SLITRK2: variants seen among roughly 807,000 people sequenced by gnomAD.
SLITRK2 encodes the protein SLIT and NTRK-like protein 2.
A neutral mutation model predicts 35.4 loss-of-function variants in SLITRK2; 13 were observed. The ratio of observed to expected loss-of-function variants is 0.37; its 90% confidence interval spans 0.24 to 0.58. The LOEUF (loss-of-function observed/expected upper bound fraction) is 0.58, where lower values mean the gene tolerates loss of function less well. SLITRK2 is among the 20% of genes least tolerant of loss of function. The pLI is 0.75. For synonymous variants in SLITRK2, 294 were observed against 264.7 expected (o/e 1.11, Z -1.07); for missense variants, 471 against 634.3 (o/e 0.74, Z 2.76).
At position 145,823,172 on chromosome X, in the gene SLITRK2, G is replaced by T. The variant is rs1194915874; in HGVS notation, c.747G>T (p.Leu249Phe). 8.3e-7 allele frequency: 1 copy of T among 1,209,416 alleles called. No homozygotes were observed. The highest frequency in any genetic ancestry group is 1.1e-6 in the Non-Finnish European group (1 of 895,173). The change falls in exon 5 of 5, where the codon TTG (leucine) becomes TTT (phenylalanine). Residue 249 changes from leucine (L) to phenylalanine (F), a missense_variant. Leu to Phe is a conservative substitution (Grantham distance 22, BLOSUM62 0). Transcript: ENST00000335565. Reference protein sequence around the residue: ...GEIVCETPFRLHGKDVTQLTR... With the variant: ...GEIVCETPFRFHGKDVTQLTR... ...TTGTCTGTGAGACTCCCTTTAGGTT[G>T]CATGGGAAAGACGTGACCCAGCTGA...
Position 145,827,808 on chromosome X carries a change from C to T in SLITRK2, c.*2845C>T. Reference sequence around the variant, plus strand: ...TCCCCACTGACTATATTCTGTTTTGCTTTATCTGCTCAAGCACTTTCGACC... The same window carrying T: ...TCCCCACTGACTATATTCTGTTTTGTTTTATCTGCTCAAGCACTTTCGACC... On this transcript the variant is annotated 3_prime_UTR_variant, in exon 5 of 5. Transcript: ENST00000335565. 1 of 1,211,734 alleles carries T rather than the reference C, an allele frequency of 8.3e-7. No homozygotes were observed. Among genetic ancestry groups the T allele is most frequent in the Non-Finnish European group, 1.1e-6 (1 of 895,479 alleles).
In SLITRK2 at chrX:145,823,196, G is replaced by A. The variant is rs782413822; in HGVS notation, c.771G>A (p.Leu257=). The change falls in exon 5 of 5, where the codon CTG becomes CTA. Residue 257 remains leucine (L), a synonymous_variant. Coordinates refer to ENST00000335565, the MANE Select transcript of SLITRK2 (RefSeq NM_032539.5). Reference sequence around the variant, plus strand: ...TGCATGGGAAAGACGTGACCCAGCTGACCAGGCAAGACCTCTGTCCCAGAA... The same window carrying A: ...TGCATGGGAAAGACGTGACCCAGCTAACCAGGCAAGACCTCTGTCCCAGAA... ...FRLHGKDVTQ[L]TRQDLCPRKS... 4.9e-5 allele frequency: 59 copies of A among 1,209,361 alleles called. No individual in the cohort carries two copies. Among genetic ancestry groups the A allele is most frequent in the Non-Finnish European group, 6.5e-5 (58 of 895,058 alleles).
rs2124196196 is a variant in SLITRK2 at position 145,824,234 on chromosome X, T to C, written c.1809T>C (p.Ser603=). 1.7e-6 allele frequency: 2 copies of C among 1,211,585 alleles called. No homozygotes were observed. The change falls in exon 5 of 5, where the codon AGT becomes AGC. Residue 603 remains serine, a synonymous_variant. Coordinates refer to ENST00000335565, the MANE Select transcript of SLITRK2 (RefSeq NM_032539.5). ...NHNTDTPRSL[S]VSPSSYPELH... ...ATACAGACACACCTCGGTCGCTTAG[T>C]GTGTCTCCTAGTTCCTATCCTGAAC...
Position 145,821,512 on chromosome X carries a change from G to C in SLITRK2, c.-565G>C, listed in dbSNP as rs907775914. 3.6e-5 allele frequency: 4 copies of C among 109,801 alleles called. No homozygotes were observed. The highest frequency in any genetic ancestry group is 5.7e-5 in the Non-Finnish European group (3 of 52,477). 9.0% of individuals were successfully genotyped at this position (109,801 alleles called of 1,213,427 possible). ...CGTCACCCTAGTCCTGTCCCGGGGA[G>C]CCTGCAAAGCCTCTCAGATTCAAAC... On this transcript the variant is annotated 5_prime_UTR_variant, in exon 3 of 5. Transcript: ENST00000335565.
At position 145,822,695 on chromosome X, in the gene SLITRK2, T is replaced by A; in HGVS notation, c.270T>A (p.Thr90=). ...NEFVNYSNAV[T]LHLGNNGLQE... The stretch of plus-strand genomic sequence containing the variant: ...TTGTCAATTACTCCAACGCGGTGAC[T>A]CTTCACCTAGGTAACAACGGGTTAC... Residue 90 remains threonine, a synonymous_variant, in exon 5 of 5, where the codon ACT becomes ACA. Coordinates refer to ENST00000335565, the MANE Select transcript of SLITRK2 (RefSeq NM_032539.5). 3 of 1,211,465 alleles carry A rather than the reference T, an allele frequency of 2.5e-6. No individual in the cohort carries two copies. The highest frequency in any genetic ancestry group is 3.4e-6 in the Non-Finnish European group (3 of 895,383).
In SLITRK2 at chrX:145,824,717, G is replaced by A. The variant is rs782106954; in HGVS notation, c.2292G>A (p.Lys764=). 6 of 1,209,602 alleles carry A rather than the reference G, an allele frequency of 5.0e-6. No homozygotes were observed. The highest frequency in any genetic ancestry group is 1.8e-5 in the South Asian group (1 of 56,727). The change falls in exon 5 of 5, where the codon AAG becomes AAA. Residue 764 remains lysine, a synonymous_variant. Coordinates refer to ENST00000335565, the MANE Select transcript of SLITRK2 (RefSeq NM_032539.5). ...ATCAAAATATTGCTGAGCGAGTCAAGGAACTTCCCAGCGCAGGCCTAGTCC... is the reference window on the plus strand; with the variant it reads ...ATCAAAATATTGCTGAGCGAGTCAAAGAACTTCCCAGCGCAGGCCTAGTCC... ...LLYQNIAERV[K]ELPSAGLVHY...
chrX:145,828,372 AT>A lies in SLITRK2; in HGVS notation c.*3413del, dbSNP rs1439475153. The A allele has an allele frequency of 2.5e-5, 4 of 159,203 alleles. No individual in the cohort carries two copies. The highest frequency in any genetic ancestry group is 5.2e-5 in the Non-Finnish European group (4 of 77,106). The allele number at this position is 159,203 out of a possible 1,213,427, so 13.1% of individuals were successfully genotyped here. ...GTGATTTTTCAGACTCTGAAAATTC[AT>A]TTTGATTCTACATATTCCAGAAATA... is the stretch of plus-strand genomic sequence containing the variant. On this transcript the variant is annotated 3_prime_UTR_variant, in exon 5 of 5. Coordinates refer to ENST00000335565, the MANE Select transcript of SLITRK2 (RefSeq NM_032539.5).
intron 1 of SLITRK2, chrX:145,819,295 T>G (rs915662500): frequency 7.1e-5 from 8 of 112,375 alleles, no homozygotes; most frequent in African/African-American, 2.6e-4. Context: ...AGGATACCTT[T>G]AAGTAAAACA....
rs183242816 is a variant in SLITRK2, at chrX:145,829,067, G to A, written c.*4104G>A. On this transcript the variant is annotated 3_prime_UTR_variant, in exon 5 of 5. Coordinates refer to ENST00000335565, the MANE Select transcript of SLITRK2 (RefSeq NM_032539.5). Reference sequence around the variant, plus strand: ...CTATTTCAGTGGCTTAAATTATAACGTTTTGGCTTAAGTGTCTTTTATCAA... The same window carrying A: ...CTATTTCAGTGGCTTAAATTATAACATTTTGGCTTAAGTGTCTTTTATCAA... 2.0e-4 allele frequency: 25 copies of A among 123,113 alleles called. No homozygotes were observed. The highest frequency in any genetic ancestry group is 7.1e-4 in the African/African-American group (22 of 30,808). 10.1% of individuals were successfully genotyped at this position (123,113 alleles called of 1,213,427 possible). A position where few individuals can be genotyped will look rare whatever the true frequency, so the allele number is the denominator to read the frequency against.
At position 145,826,778 on chromosome X, in the gene SLITRK2, T is replaced by G. The variant is rs2073131477; in HGVS notation, c.*1815T>G. ...ATAATCCTTTATCGTCATGTGGAGATTGAAGTGGATACTGATAACTTACTT... is the reference window on the plus strand; with the variant it reads ...ATAATCCTTTATCGTCATGTGGAGAGTGAAGTGGATACTGATAACTTACTT... On this transcript the variant is annotated 3_prime_UTR_variant, in exon 5 of 5. Transcript: ENST00000335565. 1 of 111,969 alleles carries G rather than the reference T, an allele frequency of 8.9e-6. No individual in the cohort carries two copies. The highest frequency in any genetic ancestry group is 3.2e-5 in the African/African-American group (1 of 30,850). The allele number at this position is 111,969 out of a possible 1,213,427, so 9.2% of individuals were successfully genotyped here. A position where few individuals can be genotyped will look rare whatever the true frequency, so the allele number is the denominator to read the frequency against.
rs2073137451 is a variant in SLITRK2 at position 145,827,582 on chromosome X, A to G, written c.*2619A>G. The G allele has an allele frequency of 1.2e-6, 1 of 824,337 alleles. No homozygotes were observed. Among genetic ancestry groups the G allele is most frequent in the African/African-American group, 2.1e-5 (1 of 47,521 alleles). The allele number at this position is 824,337 out of a possible 1,213,427, so 67.9% of individuals were successfully genotyped here. ...CCTACTGAGAGAACTCAAATTTATA[A>G]ACTCTGTTGCCTAATAATTATGGTT... On this transcript the variant is annotated 3_prime_UTR_variant, in exon 5 of 5. Coordinates refer to ENST00000335565, the MANE Select transcript of SLITRK2 (RefSeq NM_032539.5).
rs374163921 is a variant in SLITRK2 at position 145,822,960 on chromosome X, C to A, written c.535C>A (p.Arg179Ser). ...GCTTTCACTGCCCAGCAATGTGTTC[C>A]GCTTTGTCCTGCTGACCCACTTAGA... Reference protein sequence around the residue: ...LLLSLPSNVFRFVLLTHLDLR... With the variant: ...LLLSLPSNVFSFVLLTHLDLR... The change falls in exon 5 of 5, where the codon CGC becomes AGC. Residue 179 changes from arginine (R) to serine (S), a missense_variant. Arg to Ser is a moderately radical substitution (Grantham distance 110). This residue lies in a region of SLITRK2 where 15 missense variants were observed against 45.7 expected (regional missense o/e 0.33). Transcript: ENST00000335565. 1 of 1,211,356 alleles carries A rather than the reference C, an allele frequency of 8.3e-7. No individual in the cohort carries two copies. Among genetic ancestry groups the A allele is most frequent in the Non-Finnish European group, 1.1e-6 (1 of 895,291 alleles).
rs2073031723 is a variant in SLITRK2 at position 145,822,169 on chromosome X, T to C, written c.-44+16T>C. ...GGGAAATCAGGTGCAAGCATGTGTG[T>C]TCCCGGGGCGCGTGTGTGGGTGGCC... On this transcript the variant is annotated intron_variant, in intron 4 of 4. Coordinates refer to ENST00000335565, the MANE Select transcript of SLITRK2 (RefSeq NM_032539.5). The C allele has an allele frequency of 2.9e-6, 1 of 350,136 alleles. No homozygotes were observed. The highest frequency in any genetic ancestry group is 2.7e-5 in the African/African-American group (1 of 37,454). The allele number at this position is 350,136 out of a possible 1,213,427, so 28.9% of individuals were successfully genotyped here.
rs2073021293 is a variant in SLITRK2 at position 145,821,678 on chromosome X, T to C, written c.-399T>C. 1 of 111,580 alleles carries C rather than the reference T, an allele frequency of 9.0e-6. No homozygotes were observed. The highest frequency in any genetic ancestry group is 3.8e-4 in the South Asian group (1 of 2,632). 9.2% of individuals were successfully genotyped at this position (111,580 alleles called of 1,213,427 possible). A position where few individuals can be genotyped will look rare whatever the true frequency, so the allele number is the denominator to read the frequency against. ...CCCAGTCCCTCCCTGGCAGCTCGGCTTCCCTCAGCTCCAACTCTTCTCTTC... is the reference window on the plus strand; with the variant it reads ...CCCAGTCCCTCCCTGGCAGCTCGGCCTCCCTCAGCTCCAACTCTTCTCTTC... On this transcript the variant is annotated 5_prime_UTR_variant, in exon 3 of 5. Transcript: ENST00000335565.
In SLITRK2 at chrX:145,823,772, G is replaced by A. The variant is rs2124183720; in HGVS notation, c.1347G>A (p.Leu449=). 1.7e-6 allele frequency: 2 copies of A among 1,210,985 alleles called. No homozygotes were observed. Among genetic ancestry groups the A allele is most frequent in the Non-Finnish European group, 2.2e-6 (2 of 894,893 alleles). ...YPSMFDGLQS[L]QYLYLEYNVI... ...CTATGTTTGATGGACTGCAGAGCTT[G>A]CAATATCTCTATTTAGAGTATAATG... Residue 449 remains leucine, a synonymous_variant, in exon 5 of 5, where the codon TTG becomes TTA. Transcript: ENST00000335565.
chrX:145,823,264 C>A lies in SLITRK2; in HGVS notation c.839C>A (p.Thr280Asn), dbSNP rs781891605. Residue 280 changes from threonine (T) to asparagine (N), a missense_variant, in exon 5 of 5, where the codon ACC (threonine) becomes AAC (asparagine). This residue lies in a region of SLITRK2 where 56 missense variants were observed against 48.7 expected (regional missense o/e 1.15). Transcript: ENST00000335565. The part of the protein sequence containing the change: ...DSSQRGSHAD[T>N]HVQRLSPTMN... The stretch of plus-strand genomic sequence containing the variant: ...AGTCAGAGGGGCAGCCATGCTGACA[C>A]CCACGTCCAAAGGCTGTCACCTACA... 4 of 1,209,817 alleles carry A rather than the reference C, an allele frequency of 3.3e-6. No individual in the cohort carries two copies. In the African/African-American group the frequency reaches 5.3e-5, roughly 16 times the overall value.
rs2073156874 is a variant in SLITRK2, at chrX:145,829,709, A to G, written c.*4746A>G. The G allele has an allele frequency of 8.1e-6, 1 of 123,933 alleles. No homozygotes were observed. Among genetic ancestry groups the G allele is most frequent in the South Asian group, 3.7e-4 (1 of 2,730 alleles). The allele number at this position is 123,933 out of a possible 1,213,427, so 10.2% of individuals were successfully genotyped here. On this transcript the variant is annotated 3_prime_UTR_variant, in exon 5 of 5. Coordinates refer to ENST00000335565, the MANE Select transcript of SLITRK2 (RefSeq NM_032539.5). ...AATTGCATGCATGTTGAAATTTTTT[A>G]GCAGTACTTTAGCTTGAAAGTACTC...
intron 4 of SLITRK2, 58 bp from the exon 5 acceptor site, chrX:145,822,325 C>T: frequency 2.8e-6 from 2 of 713,826 alleles, no homozygotes; most frequent in East Asian, 3.2e-5. Flanking sequence ...CATTTTTAAT[C>T]GGGCTTCCTT....
chrX:145,825,212 GGAAC>G lies in SLITRK2; in HGVS notation c.*250_*253del. 1 of 298,770 alleles carries G rather than the reference GGAAC, an allele frequency of 3.3e-6. No homozygotes were observed. The highest frequency in any genetic ancestry group is 5.7e-6 in the Non-Finnish European group (1 of 176,331). 24.6% of individuals were successfully genotyped at this position (298,770 alleles called of 1,213,427 possible). On this transcript the variant is annotated 3_prime_UTR_variant, in exon 5 of 5. Transcript: ENST00000335565. ...TTTTTCTTTTTCCCTTCTCTTCTTAGGAACCATCAGTGGACATGAATGTTTCTAC... is the reference window on the plus strand; with the variant it reads ...TTTTTCTTTTTCCCTTCTCTTCTTAGCATCAGTGGACATGAATGTTTCTAC...
Sources: gnomAD v4.1 joint callset for allele counts on GRCh38, gnomAD v4.1.1 for gene constraint, gnomAD v4.1.1 regional missense constraint, MANE v1.5 for transcripts, NCBI Gene and HGNC (gene_info 2026-07-23, HGNC 2026-07-21) for gene names.